The following SLC30A4 variants were observed in gnomAD, a reference collection of about 807,000 sequenced individuals.
SLC30A4 encodes the protein solute carrier family 30 member 4.
SLC30A4 carries 20 observed loss-of-function variants against 41.7 expected under a neutral mutation model. The ratio of observed to expected loss-of-function variants is 0.48; its 90% CI spans 0.34 to 0.70. The LOEUF (loss-of-function observed/expected upper bound fraction) is 0.70, where lower values mean the gene tolerates loss of function less well. Ranked by LOEUF, SLC30A4 falls within the 30% of genes least tolerant of loss-of-function variation. The pLI, the probability that SLC30A4 is intolerant of heterozygous loss-of-function variation, is 0.01. For synonymous variants in SLC30A4, 181 were observed against 195.9 expected, an observed-to-expected ratio of 0.92 and a Z score of 0.64; for missense variants, 441 against 529.3, an observed-to-expected ratio of 0.83 and a Z score of 1.64.
intron 3 of SLC30A4, among the ~76,000 whole-genome samples, chr15:45,509,610 G>A (rs1381355142): frequency 6.6e-6 from 1 of 152,108 alleles, no homozygotes; most frequent in African/African-American, 2.4e-5. Flanking sequence ...CTTCACTTGG[G>A]GCTTTAGCTC....
At chr15:45,497,621 A>G (rs758728244) in intron 3 of SLC30A4, among the ~76,000 whole-genome samples, 3 of 152,230 alleles carry the variant, frequency 2.0e-5, no homozygotes, top group Non-Finnish European at 1.5e-5. Flanking sequence ...AATAAATGCT[A>G]AAAGAAAAAA....
intron 2 of SLC30A4, chr15:45,515,730 G>A (rs368228281): frequency 1.1e-4 from 17 of 150,660 alleles, no homozygotes; most frequent in African/African-American, 3.2e-4. Context: ...AGCTTTTTTC[G>A]TTACCCTGAA....
rs376861490 is a variant in SLC30A4 at position 45,515,377 on chromosome 15, G to A, written c.392-4093C>T. Among the ~76,000 whole-genome samples the A allele has an allele frequency of 1.3e-3, 203 of 152,072 alleles. 5 individuals carry two copies. In the South Asian group the frequency reaches 0.017, roughly 13 times the overall value. Reference sequence around the variant, plus strand: ...ATGGAGTTTAAAAGAAATTTCGGCCGGGCGTGGTGGCTCACACCTGTAATC... The same window carrying A: ...ATGGAGTTTAAAAGAAATTTCGGCCAGGCGTGGTGGCTCACACCTGTAATC... On this transcript the variant is annotated intron_variant, in intron 2 of 7. Transcript: ENST00000261867.
intron 3 of SLC30A4, among the ~76,000 whole-genome samples, chr15:45,503,422 G>C (rs1892081981): frequency 6.6e-6 from 1 of 151,964 alleles, no homozygotes; most frequent in Non-Finnish European, 1.5e-5. Context: ...TTCGAGACCA[G>C]CATGGCCAAT....
chr15:45,481,871 A>G lies in SLC30A4; in HGVS notation c.*3292T>C, dbSNP rs567676841. On this transcript the variant is annotated 3_prime_UTR_variant, in exon 8 of 8. Transcript: ENST00000261867. The stretch of plus-strand genomic sequence containing the variant: ...GTACTTTTTCCTACAAAAACAAAGC[A>G]CAGGAAACTTTATGTGTACCTCACT... 6.6e-6 allele frequency: 1 copy of G among 152,148 alleles called. No individual in the cohort carries two copies. Among genetic ancestry groups the G allele is most frequent in the Non-Finnish European group, 1.5e-5 (1 of 68,006 alleles). 9.4% of individuals were successfully genotyped at this position (152,148 alleles called of 1,614,324 possible). A position where few individuals can be genotyped will look rare whatever the true frequency, so the allele number is the denominator to read the frequency against.
chr15:45,500,377 CAA>C (rs1891994556), intron 3 of SLC30A4, among the ~76,000 whole-genome samples: 1 of 152,166 alleles, frequency 6.6e-6, no homozygotes, highest in African/African-American at 2.4e-5. Context: ...ACTTCTAGTT[CAA>C]GAGAGTAACT....
At position 45,511,201 on chromosome 15, in the gene SLC30A4, G is replaced by A. The variant is rs753964801; in HGVS notation, c.475C>T (p.Leu159Phe). Residue 159 changes from leucine to phenylalanine, a missense_variant, in exon 3 of 8, where the codon CTT (leucine) becomes TTT (phenylalanine). Physicochemically the swap from Leu to Phe is conservative, Grantham distance 22 (BLOSUM62 0). Coordinates refer to ENST00000261867, the MANE Select transcript of SLC30A4 (RefSeq NM_013309.6). ...TDLSAIILTL[L>F]ALWLSSKSPT... Reference sequence around the variant, plus strand: ...GATTTTGATGATAGCCACAAAGCAAGCAGGGTGAGTATGATGGCGCTTAGG... The same window carrying A: ...GATTTTGATGATAGCCACAAAGCAAACAGGGTGAGTATGATGGCGCTTAGG... The A allele has an allele frequency of 6.2e-7, 1 of 1,613,610 alleles. No individual in the cohort carries two copies.
intron 3 of SLC30A4, among the ~76,000 whole-genome samples, chr15:45,499,297 C>G (rs1891970241): frequency 6.6e-6 from 1 of 152,124 alleles, no homozygotes; most frequent in Admixed American, 6.6e-5. Context: ...TGGTCTCAAT[C>G]TCCTGACCTC....
chr15:45,480,015 G>A lies in SLC30A4; in HGVS notation c.*5148C>T, dbSNP rs1453443154. The A allele has an allele frequency of 1.3e-5, 2 of 152,068 alleles. No individual in the cohort carries two copies. The highest frequency in any genetic ancestry group is 2.9e-5 in the Non-Finnish European group (2 of 68,026). 9.4% of individuals were successfully genotyped at this position (152,068 alleles called of 1,614,324 possible). A position where few individuals can be genotyped will look rare whatever the true frequency, so the allele number is the denominator to read the frequency against. On this transcript the variant is annotated 3_prime_UTR_variant, in exon 8 of 8. Coordinates refer to ENST00000261867, the MANE Select transcript of SLC30A4 (RefSeq NM_013309.6). ...TTATTTAATAACATGTATTTATTGAGAGAAGCATAAACTTTCCAAATATAC... is the reference window on the plus strand; with the variant it reads ...TTATTTAATAACATGTATTTATTGAAAGAAGCATAAACTTTCCAAATATAC...
chr15:45,492,284 T>G (rs1891825652), intron 3 of SLC30A4, among the ~76,000 whole-genome samples: 1 of 150,944 alleles, frequency 6.6e-6, no homozygotes, highest in South Asian at 2.1e-4. Context: ...AGTTATGATT[T>G]ATACATATAT....
chr15:45,500,614 G>GTCCA (rs1892001552), intron 3 of SLC30A4, among the ~76,000 whole-genome samples: 1 of 149,626 alleles, frequency 6.7e-6, no homozygotes, highest in East Asian at 2.0e-4. Flanking sequence ...TTAAGGGTCT[G>GTCCA]TCTATCTATC....
chr15:45,509,816 T>C (rs1185020595), intron 3 of SLC30A4, among the ~76,000 whole-genome samples: 7 of 152,166 alleles, frequency 4.6e-5, no homozygotes, highest in Non-Finnish European at 7.4e-5. Context: ...CCCAGCACTC[T>C]GGGAGGCCAA....
At chr15:45,504,272 C>A (rs1464833407) in intron 3 of SLC30A4, among the ~76,000 whole-genome samples, 1 of 152,170 alleles carries the variant, frequency 6.6e-6, no homozygotes, top group Non-Finnish European at 1.5e-5. Flanking sequence ...TTTATTTCTA[C>A]CTTTTTAGCA....
chr15:45,514,843 A>G (rs1274645390), intron 2 of SLC30A4, among the ~76,000 whole-genome samples: 1 of 151,884 alleles, frequency 6.6e-6, no homozygotes, highest in Non-Finnish European at 1.5e-5. Context: ...TTTCTCTCCA[A>G]TTATACATCT....
chr15:45,485,245 A>C lies in SLC30A4; in HGVS notation c.1208T>G (p.Met403Arg), dbSNP rs1891673985. ...ANHLLLNTFG[M>R]YRCTIQLQSY... ...CTGAAGCTGAATAGTACATCTATAC[A>C]TGCCAAATGTGTTCAATAATAAATG... The change falls in exon 8 of 8, where the codon ATG becomes AGG. Residue 403 changes from methionine to arginine, a missense_variant. Coordinates refer to ENST00000261867, the MANE Select transcript of SLC30A4 (RefSeq NM_013309.6). The C allele has an allele frequency of 1.2e-6, 2 of 1,612,610 alleles. No homozygotes were observed. Among genetic ancestry groups the C allele is most frequent in the Non-Finnish European group, 1.7e-6 (2 of 1,178,898 alleles).
intron 2 of SLC30A4, among the ~76,000 whole-genome samples, chr15:45,515,082 T>A (rs530636271): frequency 6.6e-6 from 1 of 151,814 alleles, no homozygotes; most frequent in African/African-American, 2.4e-5. Flanking sequence ...AGACAAGGTG[T>A]CACTATGTTG....
Position 45,522,397 on chromosome 15 carries a change from G to A in SLC30A4, c.-43C>T, listed in dbSNP as rs765857956. On this transcript the variant is annotated 5_prime_UTR_variant, in exon 2 of 8. Transcript: ENST00000261867. ...CGCGGTGCGGAACGGCTTGGGGGAGGCGGACGGCCGGCGGCGCCTACTTCA... is the reference window on the plus strand; with the variant it reads ...CGCGGTGCGGAACGGCTTGGGGGAGACGGACGGCCGGCGGCGCCTACTTCA... 19 of 1,528,242 alleles carry A rather than the reference G, an allele frequency of 1.2e-5. No homozygotes were observed. The African/African-American group carries it at 2.6e-4, about 21-fold the overall frequency. The allele number at this position is 1,528,242 out of a possible 1,614,324, so 94.7% of individuals were successfully genotyped here.
chr15:45,488,932 C>T lies in SLC30A4; in HGVS notation c.803G>A (p.Ser268Asn), dbSNP rs1238691775. The T allele has an allele frequency of 1.2e-5, 20 of 1,614,068 alleles. No individual in the cohort carries two copies. The highest frequency in any genetic ancestry group is 1.6e-5 in the Non-Finnish European group (19 of 1,180,032). ...SGCERNHGQD[S>N]LAVRAAFVHA... ...TACAAATGCAGCTCTCACTGCCAGGCTATCCTGCCCATGGTTACGTTCACA... is the reference window on the plus strand; with the variant it reads ...TACAAATGCAGCTCTCACTGCCAGGTTATCCTGCCCATGGTTACGTTCACA... Residue 268 changes from serine to asparagine, a missense_variant, in exon 5 of 8, where the codon AGC (serine) becomes AAC (asparagine). Physicochemically the swap from Ser to Asn is conservative, Grantham distance 46. Transcript: ENST00000261867.
At chr15:45,509,546 G>A (rs1892235692) in intron 3 of SLC30A4, among the ~76,000 whole-genome samples, 1 of 152,038 alleles carries the variant, frequency 6.6e-6, no homozygotes, top group African/African-American at 2.4e-5. Context: ...GAGCCACCGT[G>A]CCTGGCCAGG....
Sources: gnomAD v4.1 joint callset for allele counts (sites outside exome capture counted in the v4.1 genomes callset) on GRCh38, gnomAD v4.1.1 for gene constraint, MANE v1.5 for transcripts, NCBI Gene and HGNC (gene_info 2026-07-23, HGNC 2026-07-21) for gene names.